Variants in DCAF15 observed in about 807,000 individuals in gnomAD.
The protein encoded by DCAF15 is DDB1 and CUL4 associated factor 15.
A neutral mutation model predicts 68.0 loss-of-function variants in DCAF15; 24 were observed. That is an observed-to-expected ratio of 0.35 (90% CI 0.26 to 0.50). The LOEUF is 0.50. Ranked by LOEUF, DCAF15 falls within the 20% of genes least tolerant of loss-of-function variation. The probability of loss-of-function intolerance (pLI) is 0.98; values close to 1 mark genes in which losing one functional copy is unlikely to be tolerated. For missense variants in DCAF15, 627 were observed against 830.6 expected (o/e 0.75, Z 3.01); for synonymous variants, 376 against 341.6 (o/e 1.10, Z -1.11).
intron 10 of DCAF15, 101 bp from the exon 11 acceptor site, chr19:13,960,186 T>C: frequency 6.4e-7 from 1 of 1,565,442 alleles, no homozygotes; most frequent in Non-Finnish European, 8.7e-7. Context: ...GCTGGGCCCC[T>C]CCATAGCTGT....
chr19:13,953,115 G>T (rs367921705), intron 1 of DCAF15: 4 of 1,550,402 alleles, frequency 2.6e-6, no homozygotes, highest in Non-Finnish European at 3.5e-6. Flanking sequence ...GGGAGTTCCA[G>T]TACCTGGGTG....
intron 3 of DCAF15, 22 bp from the exon 4 acceptor site, chr19:13,955,890 T>G (rs1396537998): frequency 6.2e-7 from 1 of 1,612,618 alleles, no homozygotes; most frequent in Non-Finnish European, 8.5e-7. Context: ...GACCCGGTGC[T>G]GCCCCTGAAC....
intron 3 of DCAF15, 122 bp downstream of exon 3, chr19:13,954,783 C>T: frequency 1.8e-6 from 2 of 1,091,016 alleles, no homozygotes; most frequent in Non-Finnish European, 2.7e-6. Flanking sequence ...GGGTCATCAT[C>T]AAGATTCCAT....
chr19:13,952,848 G>C (rs1447318566), intron 1 of DCAF15, among the ~76,000 whole-genome samples: 1 of 145,832 alleles, frequency 6.9e-6, no homozygotes, highest in Non-Finnish European at 1.5e-5. Context: ...AGGTGGTTGT[G>C]TCGGGTGACC....
At chr19:13,954,741 C>T (rs2145488090) in intron 3 of DCAF15, 80 bp downstream of exon 3, 2 of 1,495,500 alleles carry the variant, frequency 1.3e-6, no homozygotes, top group South Asian at 1.2e-5. Flanking sequence ...CCTCAGGTTC[C>T]TTGGGTGTAA....
In DCAF15 at chr19:13,954,364, C is replaced by T. The variant is rs368106866; in HGVS notation, c.157C>T (p.Leu53Phe). The T allele has an allele frequency of 8.7e-6, 14 of 1,613,596 alleles. No individual in the cohort carries two copies. The African/African-American group carries it at 1.7e-4, about 20-fold the overall frequency. ...VKISGQLSPR[L>F]FRKLPPRVCV... ...GATCAGCGGACAGCTCTCCCCTCGC[C>T]TCTTCCGGAAGCTGCCTCCCCGGGT... Residue 53 changes from leucine (L) to phenylalanine (F), a missense_variant, in exon 2 of 13, where the codon CTC (leucine) becomes TTC (phenylalanine). Leu to Phe is a conservative substitution (Grantham distance 22). Around this residue, in one of 3 missense-constraint regions of DCAF15, gnomAD observed 273 missense variants for 393.7 expected, o/e 0.69. Transcript: ENST00000254337.
In DCAF15 at chr19:13,952,628, A is replaced by C; in HGVS notation, c.116A>C (p.Gln39Pro). Residue 39 changes from glutamine to proline, a missense_variant, in exon 1 of 13, where the codon CAG (glutamine) becomes CCG (proline). Physicochemically the swap from Gln to Pro is moderately conservative, Grantham distance 76 (BLOSUM62 -1). This residue lies in a region of DCAF15 where 273 missense variants were observed against 393.7 expected (regional missense o/e 0.69). Transcript: ENST00000254337. ...AGRRREHVLK[Q>P]LERVKISGQL... ...CGGCGGCGGGAGCACGTCCTCAAGC[A>C]GCTGGAGCGGGTCAAGGTGAGGCCT... 7.9e-7 allele frequency: 1 copy of C among 1,268,076 alleles called. No homozygotes were observed. The highest frequency in any genetic ancestry group is 1.0e-6 in the Non-Finnish European group (1 of 1,004,264). 78.6% of individuals were successfully genotyped at this position (1,268,076 alleles called of 1,614,324 possible).
intron 3 of DCAF15, 141 bp downstream of exon 3, chr19:13,954,802 T>A: frequency 2.1e-6 from 2 of 958,504 alleles, no homozygotes; most frequent in Admixed American, 2.4e-5. Context: ...ATGTGTTAGA[T>A]CCAACCATAT....
In DCAF15 at chr19:13,954,385, C is replaced by T. The variant is rs1973248871; in HGVS notation, c.178C>T (p.Arg60Trp). ...TCGCCTCTTCCGGAAGCTGCCTCCC[C>T]GGGTGTGCGTGTCCCTCAAGAACAT... ...SPRLFRKLPP[R>W]VCVSLKNIVD... The change falls in exon 2 of 13, where the codon CGG becomes TGG. Residue 60 changes from arginine (R) to tryptophan (W), a missense_variant. Around this residue, in one of 3 missense-constraint regions of DCAF15, gnomAD observed 273 missense variants for 393.7 expected, o/e 0.69. Transcript: ENST00000254337. 1.2e-6 allele frequency: 2 copies of T among 1,607,504 alleles called. No homozygotes were observed. The highest frequency in any genetic ancestry group is 1.7e-6 in the Non-Finnish European group (2 of 1,176,464).
chr19:13,956,299 T>TC (rs755586361), intron 5 of DCAF15, 37 bp downstream of exon 5: 10 of 1,609,580 alleles, frequency 6.2e-6, no homozygotes, highest in East Asian at 2.2e-5. Flanking sequence ...TCTTCCCCCC[T>TC]CCCCCCCTTG....
intron 3 of DCAF15, 27 bp from the exon 4 acceptor site, chr19:13,955,885 G>A (rs772304767): frequency 6.2e-6 from 10 of 1,611,290 alleles, no homozygotes; most frequent in East Asian, 4.5e-5. Flanking sequence ...TCCCTGACCC[G>A]GTGCTGCCCC....
At position 13,956,001 on chromosome 19, in the gene DCAF15, C is replaced by T; in HGVS notation, c.456C>T (p.Val152=). ...AGTGGCCCAGCGACGCCTCCAAGGT[C>T]ATCGTCTTCGGCTTCAAGTGAGACC... ...VCEWPSDASK[V]IVFGFNTRSA... Residue 152 remains valine, a synonymous_variant, in exon 4 of 13, where the codon GTC becomes GTT. Transcript: ENST00000254337. 3 of 1,613,822 alleles carry T rather than the reference C, an allele frequency of 1.9e-6. No individual in the cohort carries two copies. The highest frequency in any genetic ancestry group is 2.5e-6 in the Non-Finnish European group (3 of 1,180,004).
chr19:13,956,818 G>T (rs946623453), intron 6 of DCAF15, among the ~76,000 whole-genome samples: 2 of 152,224 alleles, frequency 1.3e-5, no homozygotes, highest in Non-Finnish European at 2.9e-5. Context: ...CTGGAGTCCA[G>T]TGGTGCGATC....
In DCAF15 at chr19:13,959,264, AG is replaced by A; in HGVS notation, c.1007del (p.Gly336AlafsTer27). On this transcript the variant is annotated frameshift_variant, in exon 7 of 13. Coordinates refer to ENST00000254337, the MANE Select transcript of DCAF15 (RefSeq NM_138353.4). LOFTEE classifies it high-confidence loss of function. ...ATCTTCCGCCGGGCCAAAGAGGCCAAGGGCGGGGTCCCTGAGGAAGCCCGGC... is the reference window on the plus strand; with the variant it reads ...ATCTTCCGCCGGGCCAAAGAGGCCAAGGCGGGGTCCCTGAGGAAGCCCGGC... ...ADIFRRAKEA[K>X]GGVPEEARPA... The A allele has an allele frequency of 6.2e-7, 1 of 1,612,022 alleles. No individual in the cohort carries two copies.
rs547097958 is a variant in DCAF15, at chr19:13,957,003, A to G, written c.784+481A>G. Reference sequence around the variant, plus strand: ...ACTCCTGACCTCAAGTGATCCACTCACCTTGGCCTCCCAAAGTGTTGGGAT... The same window carrying G: ...ACTCCTGACCTCAAGTGATCCACTCGCCTTGGCCTCCCAAAGTGTTGGGAT... On this transcript the variant is annotated intron_variant, in intron 6 of 12. Coordinates refer to ENST00000254337, the MANE Select transcript of DCAF15 (RefSeq NM_138353.4). Among the ~76,000 whole-genome samples the G allele has an allele frequency of 4.3e-4, 65 of 152,316 alleles. 1 individual carries two copies. The highest frequency in any genetic ancestry group is 8.5e-4 in the Non-Finnish European group (58 of 68,032).
intron 6 of DCAF15, among the ~76,000 whole-genome samples, chr19:13,957,735 C>T (rs980702204): frequency 1.3e-5 from 2 of 152,028 alleles, no homozygotes; most frequent in African/African-American, 4.8e-5. Context: ...ACGGTGAAAC[C>T]CCATCTCTAG....
chr19:13,954,872 A>G (rs1484553691), intron 3 of DCAF15, among the ~76,000 whole-genome samples: 1 of 151,846 alleles, frequency 6.6e-6, no homozygotes, highest in Non-Finnish European at 1.5e-5. Flanking sequence ...TTGGGAGGCC[A>G]AGGCGGGAGG....
intron 1 of DCAF15, among the ~76,000 whole-genome samples, chr19:13,953,776 C>A (rs1973205821): frequency 6.6e-6 from 1 of 152,194 alleles, no homozygotes. Context: ...CCTTGGATTC[C>A]GTTGGAAGGC....
intron 1 of DCAF15, chr19:13,953,501 C>T (rs1257110553): frequency 5.2e-6 from 1 of 192,508 alleles, no homozygotes; most frequent in African/African-American, 2.4e-5. Flanking sequence ...CTTGGAAGCT[C>T]CTTGGGCAGG....
Sources: allele counts gnomAD v4.1 joint callset (sites outside exome capture counted in the v4.1 genomes callset), GRCh38; gene constraint gnomAD v4.1.1; regional missense constraint gnomAD v4.1.1; transcripts MANE v1.5; gene names NCBI Gene and HGNC (gene_info 2026-07-23, HGNC 2026-07-21).